EPB41L4B: variants seen among roughly 807,000 people sequenced by gnomAD.
EPB41L4B encodes the protein band 4.1-like protein 4B.
In EPB41L4B, 30 loss-of-function variants were observed where a neutral mutation model predicts 112.5. The ratio of observed to expected loss-of-function variants is 0.27; its 90% confidence interval spans 0.20 to 0.36. EPB41L4B has a LOEUF of 0.36. EPB41L4B is among the 10% of genes least tolerant of loss of function. EPB41L4B has a pLI of 1.00. For synonymous variants in EPB41L4B, 408 were observed against 439.7 expected (o/e 0.93, Z 0.90); for missense variants, 1,024 against 1,133.3 (o/e 0.90, Z 1.38).
chr9:109,200,267 G>A lies in EPB41L4B; in HGVS notation c.2014C>T (p.Arg672Ter), dbSNP rs921541583. The change falls in exon 20 of 26, where the codon CGA (arginine) becomes TGA (stop). Residue 672 changes from arginine to a stop codon, truncating the protein, a stop_gained. Coordinates refer to ENST00000374566, the MANE Select transcript of EPB41L4B (RefSeq NM_019114.5). LOFTEE classifies it high-confidence loss of function. ...TACTGTCTTGTTAACTTCCTCACTC[G>A]GGGAGGCTTGATTTCCGGCTTTTCC... Reference protein sequence around the residue: ...AVEKPEIKPPRVRKLTRQYSF... With the variant: ...AVEKPEIKPP 1.9e-6 allele frequency: 3 copies of A among 1,613,908 alleles called. No individual in the cohort carries two copies. The highest frequency in any genetic ancestry group is 1.3e-5 in the African/African-American group (1 of 74,872).
intron 15 of EPB41L4B, among the ~76,000 whole-genome samples, chr9:109,239,174 A>C (rs1834263630): frequency 6.6e-6 from 1 of 152,232 alleles, no homozygotes; most frequent in Non-Finnish European, 1.5e-5. Flanking sequence ...GCCAGTAAGA[A>C]GAGAGAAGAA....
rs182479745 is a variant in EPB41L4B, at chr9:109,234,303, A to G, written c.1409+9315T>C. 1.7e-3 allele frequency among the ~76,000 whole-genome samples: 253 copies of G among 152,340 alleles called. 1 individual carries two copies. Among genetic ancestry groups the G allele is most frequent in the African/African-American group, 5.8e-3 (242 of 41,586 alleles). On this transcript the variant is annotated intron_variant, in intron 15 of 25. Coordinates refer to ENST00000374566, the MANE Select transcript of EPB41L4B (RefSeq NM_019114.5). ...ATGCTACTTCGAGGGAATTTATTCT[A>G]CAGATAGATTTGTTCAAGTGCACAA...
intron 1 of EPB41L4B, among the ~76,000 whole-genome samples, chr9:109,306,594 C>T (rs1418209141): frequency 7.2e-6 from 1 of 139,494 alleles, no homozygotes; most frequent in Non-Finnish European, 1.5e-5. Context: ...GCCTGGGCAA[C>T]AGAGCGAGCA....
At chr9:109,244,991 T>C (rs1054236736) in intron 14 of EPB41L4B, among the ~76,000 whole-genome samples, 2 of 152,114 alleles carry the variant, frequency 1.3e-5, no homozygotes, top group Non-Finnish European at 2.9e-5. Flanking sequence ...GCCTTTCCTT[T>C]CTCCTTCAAA....
chr9:109,215,654 T>C (rs1833335913), intron 16 of EPB41L4B, among the ~76,000 whole-genome samples: 1 of 152,182 alleles, frequency 6.6e-6, no homozygotes, highest in Non-Finnish European at 1.5e-5. Flanking sequence ...CGTCCAGCCC[T>C]CAGTACTTTT....
At chr9:109,266,824 C>T (rs1172017447) in intron 4 of EPB41L4B, among the ~76,000 whole-genome samples, 3 of 151,944 alleles carry the variant, frequency 2.0e-5, no homozygotes, top group African/African-American at 7.3e-5. Context: ...TAACAATTAG[C>T]AGAGTGTGAT....
chr9:109,258,817 G>A (rs1035221925), intron 6 of EPB41L4B, among the ~76,000 whole-genome samples: 3 of 152,146 alleles, frequency 2.0e-5, no homozygotes, highest in East Asian at 1.9e-4. Flanking sequence ...GGAGGGGTGC[G>A]AGGGCTGCAG....
chr9:109,223,544 G>A (rs1012926383), intron 15 of EPB41L4B, among the ~76,000 whole-genome samples: 1 of 152,174 alleles, frequency 6.6e-6, no homozygotes, highest in Non-Finnish European at 1.5e-5. Context: ...ACAAGGCTGA[G>A]TGATCAATGC....
chr9:109,207,915 T>G lies in EPB41L4B; in HGVS notation c.1878+9A>C, dbSNP rs2118784762. ...CATGAAATCAAAGGAATGTATGCAT[T>G]CTGCGCACCTGGATGTTCACTCGGG... On this transcript the variant is annotated intron_variant, in intron 18 of 25. Coordinates refer to ENST00000374566, the MANE Select transcript of EPB41L4B (RefSeq NM_019114.5). 6.2e-7 allele frequency: 1 copy of G among 1,614,082 alleles called. No homozygotes were observed. Among genetic ancestry groups the G allele is most frequent in the East Asian group, 2.2e-5 (1 of 44,884 alleles).
At chr9:109,261,529 A>T (rs1358568332) in intron 6 of EPB41L4B, among the ~76,000 whole-genome samples, 1 of 152,126 alleles carries the variant, frequency 6.6e-6, no homozygotes, top group Non-Finnish European at 1.5e-5. Context: ...TGAAGAATAG[A>T]AGTTTCAGGT....
At chr9:109,222,950 C>T (rs748549470) in intron 15 of EPB41L4B, among the ~76,000 whole-genome samples, 6 of 152,112 alleles carry the variant, frequency 3.9e-5, no homozygotes, top group Non-Finnish European at 7.4e-5. Context: ...ACCCAGTTCC[C>T]ATTTGGCCTC....
chr9:109,190,825 C>T (rs147317083), intron 22 of EPB41L4B, among the ~76,000 whole-genome samples: 2 of 152,342 alleles, frequency 1.3e-5, no homozygotes, highest in African/African-American at 2.4e-5. Context: ...AGGCATTGTT[C>T]CACCTGATAG....
intron 17 of EPB41L4B, among the ~76,000 whole-genome samples, chr9:109,211,866 C>T (rs1833190536): frequency 6.7e-6 from 1 of 149,388 alleles, no homozygotes; most frequent in African/African-American, 2.5e-5. Context: ...CAGGTGCCCG[C>T]CACCACAACT....
In EPB41L4B at chr9:109,213,867, T is replaced by C. The variant is rs763457335; in HGVS notation, c.1634-49A>G. 5.2e-6 allele frequency: 8 copies of C among 1,547,472 alleles called. No individual in the cohort carries two copies. In the Admixed American group the frequency reaches 6.7e-5, roughly 13 times the overall value. The stretch of plus-strand genomic sequence containing the variant: ...AATAAGGAAAGGTTGAAAGGACAGA[T>C]AGATACAGGGGAAAAGGGACACTTG... On this transcript the variant is annotated intron_variant, in intron 16 of 25. Coordinates refer to ENST00000374566, the MANE Select transcript of EPB41L4B (RefSeq NM_019114.5).
intron 1 of EPB41L4B, among the ~76,000 whole-genome samples, chr9:109,319,747 C>T (rs541428938): frequency 1.3e-4 from 20 of 152,246 alleles, no homozygotes; most frequent in Admixed American, 1.2e-3. Flanking sequence ...GATTTTCTAC[C>T]CAATAACCCA....
At chr9:109,238,537 C>T (rs1834234193) in intron 15 of EPB41L4B, among the ~76,000 whole-genome samples, 1 of 152,166 alleles carries the variant, frequency 6.6e-6, no homozygotes, top group South Asian at 2.1e-4. Context: ...TGCTATCTGT[C>T]AGGTGCTGGG....
chr9:109,282,875 G>T (rs1224725503), intron 1 of EPB41L4B, among the ~76,000 whole-genome samples: 1 of 151,780 alleles, frequency 6.6e-6, no homozygotes, highest in Non-Finnish European at 1.5e-5. Flanking sequence ...TAGAGACAGG[G>T]TTTCACCATG....
intron 1 of EPB41L4B, among the ~76,000 whole-genome samples, chr9:109,305,673 A>G (rs1564334088): frequency 6.6e-6 from 1 of 152,036 alleles, no homozygotes; most frequent in Non-Finnish European, 1.5e-5. Flanking sequence ...CTGTAATCCT[A>G]GCACTTTGGG....
intron 15 of EPB41L4B, among the ~76,000 whole-genome samples, chr9:109,221,430 A>G (rs949590559): frequency 9.2e-5 from 14 of 152,218 alleles, no homozygotes; most frequent in African/African-American, 3.1e-4. Context: ...TTTGCTTGGA[A>G]GGCCTGGAGA....
Sources: gnomAD v4.1 joint callset for allele counts (sites outside exome capture counted in the v4.1 genomes callset) on GRCh38, gnomAD v4.1.1 for gene constraint, MANE v1.5 for transcripts, NCBI Gene and HGNC (gene_info 2026-07-23, HGNC 2026-07-21) for gene names.